KIAA0825: variants seen among roughly 807,000 people sequenced by gnomAD.
KIAA0825 encodes the protein uncharacterized protein KIAA0825.
KIAA0825 carries 119 observed loss-of-function variants against 147.6 expected under a neutral mutation model. The ratio of observed to expected loss-of-function variants is 0.81; its 90% confidence interval spans 0.69 to 0.94. KIAA0825 has a LOEUF of 0.94. Among genes scored for constraint, KIAA0825 ranks in the 40% least tolerant of loss-of-function variants. The probability of loss-of-function intolerance (pLI) is 0.00; values close to 1 mark genes in which losing one functional copy is unlikely to be tolerated. For synonymous variants in KIAA0825, 470 were observed against 518.1 expected, an observed-to-expected ratio of 0.91 and a Z score of 1.26; for missense variants, 1,381 against 1,472.7, an observed-to-expected ratio of 0.94 and a Z score of 1.02.
chr5:94,176,954 C>G (rs183968102), intron 20 of KIAA0825, among the ~76,000 whole-genome samples: 154 of 152,106 alleles, frequency 1.0e-3, no homozygotes, highest in Non-Finnish European at 1.5e-3. Flanking sequence ...GCTAGTGTTC[C>G]TAGAAAGTTC....
intron 2 of KIAA0825, chr5:94,567,459 C>G (rs1485290667): frequency 6.6e-6 from 1 of 152,184 alleles, no homozygotes; most frequent in Non-Finnish European, 1.5e-5. Flanking sequence ...GTGTCATACT[C>G]AGACCCAAAC....
chr5:94,496,099 G>A (rs182427572), intron 5 of KIAA0825, among the ~76,000 whole-genome samples: 1 of 152,284 alleles, frequency 6.6e-6, no homozygotes, highest in Admixed American at 6.5e-5. Context: ...TAGGGGAGAG[G>A]CAGTCCCCTC....
At chr5:94,415,303 T>C (rs1031978032) in intron 15 of KIAA0825, 1 of 152,172 alleles carries the variant, frequency 6.6e-6, no homozygotes, top group African/African-American at 2.4e-5. Context: ...AGGTTAATTA[T>C]AGATACTGAA....
At chr5:94,430,267 T>G (rs1371758020) in intron 14 of KIAA0825, among the ~76,000 whole-genome samples, 1 of 152,196 alleles carries the variant, frequency 6.6e-6, no homozygotes, top group African/African-American at 2.4e-5. Flanking sequence ...ACCATTTTAT[T>G]TGCAGTCTAA....
rs553638419 is a variant in KIAA0825, at chr5:94,234,358, G to A, written c.3711-80234C>T. Among the ~76,000 whole-genome samples the A allele has an allele frequency of 2.6e-3, 385 of 150,208 alleles. 1 individual carries two copies. Among genetic ancestry groups the A allele is most frequent in the African/African-American group, 8.5e-3 (346 of 40,916 alleles). On this transcript the variant is annotated intron_variant, in intron 20 of 20. Coordinates refer to ENST00000682413, the MANE Select transcript of KIAA0825 (RefSeq NM_001145678.3). ...TGCACTCCAGCCTGGGCAACAGAGC[G>A]AGACTCCGTCTCAAAAAAAAATAAA... is the stretch of plus-strand genomic sequence containing the variant.
intron 1 of KIAA0825, among the ~76,000 whole-genome samples, chr5:94,613,565 G>C (rs1447970628): frequency 1.3e-5 from 2 of 152,170 alleles, no homozygotes; most frequent in East Asian, 1.9e-4. Flanking sequence ...AAAGTAAATA[G>C]TCAAAAAGGC....
At chr5:94,504,873 AAGTAGCTGGGATTACAGG>A (rs1765549346) in intron 5 of KIAA0825, among the ~76,000 whole-genome samples, 3 of 149,248 alleles carry the variant, frequency 2.0e-5, no homozygotes, top group African/African-American at 7.4e-5. Flanking sequence ...TCAGCCTCCC[AAGTAGCTGGGATTACAGG>A]TGCATGCCAC....
At chr5:94,436,898 C>T (rs1756448089) in intron 14 of KIAA0825, among the ~76,000 whole-genome samples, 1 of 152,134 alleles carries the variant, frequency 6.6e-6, no homozygotes, top group Middle Eastern at 3.4e-3. Context: ...GAATGGAAGT[C>T]CATTCTTGAT....
At chr5:94,552,688 T>A (rs1256625958) in intron 2 of KIAA0825, among the ~76,000 whole-genome samples, 1 of 152,176 alleles carries the variant, frequency 6.6e-6, no homozygotes, top group Non-Finnish European at 1.5e-5. Flanking sequence ...TGAAGAAAAT[T>A]TAAGTTTCTT....
chr5:94,170,375 T>A (rs2149947323), intron 20 of KIAA0825, among the ~76,000 whole-genome samples: 2 of 152,340 alleles, frequency 1.3e-5, no homozygotes, highest in South Asian at 4.1e-4. Flanking sequence ...GAGTTTCAGA[T>A]CCACTTGAGA....
At chr5:94,583,333 C>A (rs1054853874) in intron 1 of KIAA0825, among the ~76,000 whole-genome samples, 1 of 152,230 alleles carries the variant, frequency 6.6e-6, no homozygotes, top group African/African-American at 2.4e-5. Flanking sequence ...GTCTTTGCAA[C>A]TGGCAGACCA....
At position 94,150,921 on chromosome 5, in the gene KIAA0825, A is replaced by G. The variant is rs966835738; in HGVS notation, c.*3086T>C. ...ACTGTTTTCACATAGTAACTGCTAA[A>G]CCAATAATAAAATAGATATCTCTAT... On this transcript the variant is annotated 3_prime_UTR_variant, in exon 21 of 21. Coordinates refer to ENST00000682413, the MANE Select transcript of KIAA0825 (RefSeq NM_001145678.3). 6.6e-6 allele frequency among the ~76,000 whole-genome samples: 1 copy of G among 152,174 alleles called. No homozygotes were observed. Among genetic ancestry groups the G allele is most frequent in the Non-Finnish European group, 1.5e-5 (1 of 68,034 alleles).
At chr5:94,253,472 T>TA (rs1476157514) in intron 20 of KIAA0825, among the ~76,000 whole-genome samples, 1 of 152,154 alleles carries the variant, frequency 6.6e-6, no homozygotes, top group East Asian at 1.9e-4. Context: ...CATCTTTTTT[T>TA]ACGTCAGGAA....
intron 1 of KIAA0825, among the ~76,000 whole-genome samples, chr5:94,591,152 C>T (rs1408237381): frequency 6.6e-6 from 1 of 152,036 alleles, no homozygotes; most frequent in Non-Finnish European, 1.5e-5. Flanking sequence ...ATTTATAAAA[C>T]ACAGACAGAT....
intron 20 of KIAA0825, among the ~76,000 whole-genome samples, chr5:94,234,543 C>T (rs1774935324): frequency 6.6e-6 from 1 of 152,126 alleles, no homozygotes; most frequent in African/African-American, 2.4e-5. Flanking sequence ...GCTCATGGTG[C>T]TGCAGGCTTT....
At chr5:94,608,338 T>G (rs1787887964) in intron 1 of KIAA0825, among the ~76,000 whole-genome samples, 1 of 133,252 alleles carries the variant, frequency 7.5e-6, no homozygotes. Flanking sequence ...ATCCGCTCAC[T>G]GCAACCTCTA....
At chr5:94,472,734 GCCC>G (rs1761381396) in intron 8 of KIAA0825, among the ~76,000 whole-genome samples, 1 of 151,934 alleles carries the variant, frequency 6.6e-6, no homozygotes, top group Non-Finnish European at 1.5e-5. Flanking sequence ...ACAGAGTGAG[GCCC>G]CCGTCTCAAA....
At chr5:94,352,422 G>A (rs983027317) in intron 20 of KIAA0825, among the ~76,000 whole-genome samples, 14 of 152,290 alleles carry the variant, frequency 9.2e-5, no homozygotes, top group African/African-American at 3.4e-4. Context: ...AAAAACAGTA[G>A]ATGCTGGCAT....
intron 20 of KIAA0825, among the ~76,000 whole-genome samples, chr5:94,376,767 G>C (rs958267202): frequency 6.6e-6 from 1 of 152,084 alleles, no homozygotes; most frequent in East Asian, 1.9e-4. Context: ...ATTTTCTAGG[G>C]AACAGGAGCA....
Sources: gnomAD v4.1 joint callset for allele counts (sites outside exome capture counted in the v4.1 genomes callset) on GRCh38, gnomAD v4.1.1 for gene constraint, MANE v1.5 for transcripts, NCBI Gene and HGNC (gene_info 2026-07-23, HGNC 2026-07-21) for gene names.